Variants in ODAD2 observed in about 807,000 individuals in gnomAD.
ODAD2 encodes outer dynein arm docking complex subunit 2, also known as outer dynein arm-docking complex subunit 2.
In ODAD2, 89 loss-of-function variants were observed where a neutral mutation model predicts 106.8. The ratio of observed to expected loss-of-function variants is 0.83; its 90% CI spans 0.70 to 0.99. ODAD2 has a LOEUF of 0.99. Ranked by LOEUF, ODAD2 falls within the 50% of genes least tolerant of loss-of-function variation. ODAD2 has a pLI of 0.00. For synonymous variants in ODAD2, 404 were observed against 436.2 expected, an observed-to-expected ratio of 0.93 and a Z score of 0.92; for missense variants, 1,168 against 1,238.5, an observed-to-expected ratio of 0.94 and a Z score of 0.85.
At chr10:27,835,158 G>A (rs992214011) in intron 19 of ODAD2, among the ~76,000 whole-genome samples, 2 of 152,176 alleles carry the variant, frequency 1.3e-5, no homozygotes, top group Admixed American at 6.5e-5. Flanking sequence ...TTGGAGGAGC[G>A]TCAAATCCTG....
intron 6 of ODAD2, among the ~76,000 whole-genome samples, chr10:27,983,557 T>A (rs926183570): frequency 6.6e-6 from 1 of 152,240 alleles, no homozygotes; most frequent in Non-Finnish European, 1.5e-5. Context: ...TTGGAAGCTG[T>A]GTAATGAATC....
At chr10:27,876,145 C>G in intron 17 of ODAD2, among the ~76,000 whole-genome samples, 1 of 152,162 alleles carries the variant, frequency 6.6e-6, no homozygotes, top group East Asian at 1.9e-4. Context: ...CAAAAGGCAG[C>G]AGAAACCTCT....
At chr10:27,942,037 C>T (rs1305282610) in intron 12 of ODAD2, among the ~76,000 whole-genome samples, 1 of 152,072 alleles carries the variant, frequency 6.6e-6, no homozygotes, top group Admixed American at 6.6e-5. Flanking sequence ...GTACTGACTG[C>T]AGGTGGGATA....
chr10:27,931,453 C>T (rs1302306771), intron 16 of ODAD2, among the ~76,000 whole-genome samples: 1 of 152,008 alleles, frequency 6.6e-6, no homozygotes, highest in African/African-American at 2.4e-5. Flanking sequence ...TCATCATCTA[C>T]TTTACTATTT....
intron 16 of ODAD2, among the ~76,000 whole-genome samples, chr10:27,909,282 A>G (rs1481804673): frequency 6.6e-6 from 1 of 152,202 alleles, no homozygotes; most frequent in Non-Finnish European, 1.5e-5. Context: ...TTGTCATTGC[A>G]GTGGAAGTCA....
chr10:27,879,390 C>G (rs1054898771), intron 17 of ODAD2, among the ~76,000 whole-genome samples: 2 of 151,498 alleles, frequency 1.3e-5, no homozygotes, highest in Non-Finnish European at 2.9e-5. Flanking sequence ...ATTTATAAAG[C>G]TATGTGTGTA....
At chr10:27,938,141 G>C (rs556427447) in intron 14 of ODAD2, among the ~76,000 whole-genome samples, 1 of 152,028 alleles carries the variant, frequency 6.6e-6, no homozygotes, top group African/African-American at 2.4e-5. Context: ...GTTTCACCAC[G>C]TTGGCCAGGC....
intron 17 of ODAD2, among the ~76,000 whole-genome samples, chr10:27,891,155 T>C (rs1297261584): frequency 6.6e-6 from 1 of 152,200 alleles, no homozygotes; most frequent in Non-Finnish European, 1.5e-5. Context: ...GTCAAATTCC[T>C]GTCCTGTTTG....
intron 19 of ODAD2, among the ~76,000 whole-genome samples, chr10:27,817,584 C>G (rs911085210): frequency 6.6e-6 from 1 of 152,086 alleles, no homozygotes; most frequent in Non-Finnish European, 1.5e-5. Context: ...TGAGAACATG[C>G]AGTTTTGACT....
intron 2 of ODAD2, 83 bp from the exon 3 acceptor site, chr10:27,987,626 A>G: frequency 1.1e-6 from 1 of 897,292 alleles, no homozygotes; most frequent in South Asian, 2.0e-5. Flanking sequence ...TAGACAGATT[A>G]TTCCTATATC....
chr10:27,896,272 C>T (rs1319398084), intron 17 of ODAD2, among the ~76,000 whole-genome samples: 1 of 152,128 alleles, frequency 6.6e-6, no homozygotes, highest in Non-Finnish European at 1.5e-5. Flanking sequence ...AAAGCCAGTG[C>T]TCATTGTTGA....
chr10:27,992,175 C>T (rs1372360540), intron 2 of ODAD2, among the ~76,000 whole-genome samples: 1 of 152,148 alleles, frequency 6.6e-6, no homozygotes, highest in African/African-American at 2.4e-5. Flanking sequence ...TGGTTTTCAT[C>T]AGCGCCAGGC....
intron 14 of ODAD2, among the ~76,000 whole-genome samples, chr10:27,939,236 C>T (rs1269934798): frequency 6.6e-6 from 1 of 152,130 alleles, no homozygotes; most frequent in South Asian, 2.1e-4. Flanking sequence ...AATATAGAAG[C>T]ACCATGTACT....
intron 19 of ODAD2, among the ~76,000 whole-genome samples, chr10:27,858,423 TAC>T (rs1270722515): frequency 2.0e-5 from 3 of 152,200 alleles, no homozygotes; most frequent in Non-Finnish European, 4.4e-5. Context: ...CCCTGTTCTT[TAC>T]AGTTTTCCTC....
At chr10:27,911,639 A>G (rs182617527) in intron 16 of ODAD2, among the ~76,000 whole-genome samples, 190 of 152,312 alleles carry the variant, frequency 1.2e-3, no homozygotes, top group African/African-American at 4.3e-3. Flanking sequence ...TTTCCCAGCC[A>G]TCTCCGTATT....
At chr10:27,951,532 C>T (rs939136713) in intron 10 of ODAD2, among the ~76,000 whole-genome samples, 5 of 151,700 alleles carry the variant, frequency 3.3e-5, no homozygotes, top group Non-Finnish European at 5.9e-5. Flanking sequence ...TGTGTTGATA[C>T]AATTGACTGT....
At chr10:27,921,900 C>G (rs1466091934) in intron 16 of ODAD2, among the ~76,000 whole-genome samples, 1 of 149,770 alleles carries the variant, frequency 6.7e-6, no homozygotes, top group African/African-American at 2.5e-5. Flanking sequence ...GGCGCCTTGG[C>G]TCATGCCTGT....
chr10:27,853,908 C>A (rs1339373256), intron 19 of ODAD2, among the ~76,000 whole-genome samples: 1 of 152,108 alleles, frequency 6.6e-6, no homozygotes. Context: ...ACTTCACCAG[C>A]GTTAAAAACT....
intron 10 of ODAD2, among the ~76,000 whole-genome samples, chr10:27,959,339 G>C (rs369743074): frequency 6.6e-6 from 1 of 152,050 alleles, no homozygotes; most frequent in Non-Finnish European, 1.5e-5. Flanking sequence ...GCCCACCTCA[G>C]AGAGAGTGGT....
Sources: gnomAD v4.1 joint callset for allele counts (sites outside exome capture counted in the v4.1 genomes callset) on GRCh38, gnomAD v4.1.1 for gene constraint, MANE v1.5 for transcripts, NCBI Gene and HGNC (gene_info 2026-07-23, HGNC 2026-07-21) for gene names.